Variants in ABLIM1 observed in about 807,000 individuals in gnomAD.
The protein encoded by ABLIM1 is actin binding LIM protein 1, also known as actin-binding LIM protein 1.
In ABLIM1, 40 loss-of-function variants were observed where a neutral mutation model predicts 107.0. That is an observed-to-expected ratio of 0.37 (90% CI 0.29 to 0.49). The LOEUF is 0.49. Among genes scored for constraint, ABLIM1 ranks in the 20% least tolerant of loss-of-function variants. The pLI, the probability that ABLIM1 is intolerant of heterozygous loss-of-function variation, is 0.97. For missense variants in ABLIM1, 857 were observed against 1,008.5 expected, an observed-to-expected ratio of 0.85 and a Z score of 2.04; for synonymous variants, 357 against 357.3, an observed-to-expected ratio of 1.00 and a Z score of 0.01.
intron 1 of ABLIM1, among the ~76,000 whole-genome samples, chr10:114,737,782 G>A (rs1045633017): frequency 1.3e-5 from 2 of 152,108 alleles, no homozygotes; most frequent in South Asian, 4.1e-4. Flanking sequence ...TCAGGAGATA[G>A]TGGCCAAAAT....
At chr10:114,527,659 C>CTTTTTTT (rs10639922) in intron 6 of ABLIM1, among the ~76,000 whole-genome samples, 1 of 127,288 alleles carries the variant, frequency 7.9e-6, no homozygotes, top group African/African-American at 3.1e-5. Flanking sequence ...CAACTCTTGT[C>CTTTTTTT]TTTTTTTTTT....
intron 1 of ABLIM1, among the ~76,000 whole-genome samples, chr10:114,635,967 C>T (rs1285427586): frequency 2.0e-5 from 3 of 152,248 alleles, no homozygotes; most frequent in African/African-American, 7.2e-5. Flanking sequence ...GGGACACCTG[C>T]TGCGTGCCAG....
chr10:114,738,107 G>A (rs1401037896), intron 1 of ABLIM1, among the ~76,000 whole-genome samples: 3 of 152,134 alleles, frequency 2.0e-5, no homozygotes, highest in Admixed American at 1.3e-4. Flanking sequence ...GGAGTGCAGT[G>A]GCGCGATCTT....
chr10:114,437,849 G>T lies in ABLIM1; in HGVS notation c.2218C>A (p.Leu740Met), dbSNP rs1342631513. 2.5e-6 allele frequency: 4 copies of T among 1,613,936 alleles called. No homozygotes were observed. The highest frequency in any genetic ancestry group is 3.4e-6 in the Non-Finnish European group (4 of 1,179,926). Residue 740 changes from leucine (L) to methionine (M), a missense_variant, in exon 22 of 23, where the codon CTG becomes ATG. Leu to Met is a conservative substitution (Grantham distance 15). This residue lies in a region of ABLIM1 where 193 missense variants were observed against 208.5 expected (regional missense o/e 0.93). Coordinates refer to ENST00000533213, the MANE Select transcript of ABLIM1 (RefSeq NM_002313.7). Reference protein sequence around the residue: ...KILREVDRTRLERHLAPEVFR... With the variant: ...KILREVDRTRMERHLAPEVFR... ...ATTTTTCGGTTTTGTTTTACCTCCA[G>T]CCTGGTTCTGTCCACCTCTCTGAGG...
chr10:114,623,482 C>T (rs1416855604), intron 1 of ABLIM1, among the ~76,000 whole-genome samples: 1 of 152,146 alleles, frequency 6.6e-6, no homozygotes, highest in Non-Finnish European at 1.5e-5. Context: ...GCCATCTGTG[C>T]ATGGTGAGCC....
chr10:114,705,197 T>C (rs1353224002), intron 1 of ABLIM1, among the ~76,000 whole-genome samples: 2 of 152,192 alleles, frequency 1.3e-5, no homozygotes, highest in Admixed American at 6.5e-5. Flanking sequence ...GGGAAGAGCA[T>C]AGGTCATTTT....
At chr10:114,579,597 T>C (rs2073102291) in intron 2 of ABLIM1, among the ~76,000 whole-genome samples, 1 of 152,168 alleles carries the variant, frequency 6.6e-6, no homozygotes, top group Non-Finnish European at 1.5e-5. Context: ...AAAATGCATA[T>C]AACAAAAAAT....
At chr10:114,545,953 A>AG (rs2067285129) in intron 5 of ABLIM1, among the ~76,000 whole-genome samples, 1 of 150,556 alleles carries the variant, frequency 6.6e-6, no homozygotes, top group South Asian at 2.1e-4. Flanking sequence ...CAAAAAAAAA[A>AG]AACAAGAACA....
intron 12 of ABLIM1, among the ~76,000 whole-genome samples, chr10:114,456,615 TA>T (rs555008733): frequency 1.5e-4 from 23 of 152,318 alleles, no homozygotes; most frequent in Non-Finnish European, 2.5e-4. Context: ...GAACCCCCAT[TA>T]AATCAGTTTT....
In ABLIM1 at chr10:114,444,152, GAAAAAA is replaced by G; in HGVS notation, c.1828-24_1828-19del. Reference sequence around the variant, plus strand: ...GAGTTAAGCTATTCACAGAAAAAAGGAAAAAAAAAAAAAAAAGAAAGCAAAGCTTGC... The same window carrying G: ...GAGTTAAGCTATTCACAGAAAAAAGGAAAAAAAAAAGAAAGCAAAGCTTGC... On this transcript the variant is annotated intron_variant, in intron 16 of 22. Coordinates refer to ENST00000533213, the MANE Select transcript of ABLIM1 (RefSeq NM_002313.7). 8 of 1,276,156 alleles carry G rather than the reference GAAAAAA, an allele frequency of 6.3e-6. No individual in the cohort carries two copies. Among genetic ancestry groups the G allele is most frequent in the Non-Finnish European group, 5.3e-6 (5 of 941,252 alleles). 79.1% of individuals were successfully genotyped at this position (1,276,156 alleles called of 1,614,324 possible).
chr10:114,737,261 T>C (rs1488841424), intron 1 of ABLIM1, among the ~76,000 whole-genome samples: 3 of 152,122 alleles, frequency 2.0e-5, no homozygotes, highest in Non-Finnish European at 4.4e-5. Flanking sequence ...GAGGCAGAGA[T>C]TGCAGTGAGC....
intron 6 of ABLIM1, among the ~76,000 whole-genome samples, chr10:114,528,441 C>G (rs568646258): frequency 6.6e-6 from 1 of 152,232 alleles, no homozygotes; most frequent in African/African-American, 2.4e-5. Flanking sequence ...GTTTTAGCAA[C>G]AAAGCCGTGC....
At chr10:114,676,007 G>T (rs1252265555) in intron 1 of ABLIM1, among the ~76,000 whole-genome samples, 2 of 152,192 alleles carry the variant, frequency 1.3e-5, no homozygotes, top group East Asian at 1.9e-4. Context: ...ATCTTAACTT[G>T]ATGGTCTGTT....
At chr10:114,442,568 T>C (rs2060345283) in intron 17 of ABLIM1, among the ~76,000 whole-genome samples, 2 of 152,230 alleles carry the variant, frequency 1.3e-5, no homozygotes, top group Non-Finnish European at 2.9e-5. Flanking sequence ...GAATCCAAGA[T>C]CAATGCCAGT....
intron 6 of ABLIM1, among the ~76,000 whole-genome samples, chr10:114,532,480 C>T (rs929563559): frequency 9.9e-5 from 15 of 152,208 alleles, no homozygotes; most frequent in Admixed American, 8.5e-4. Context: ...AGGTGTGAAA[C>T]AGACGAGGAG....
intron 6 of ABLIM1, among the ~76,000 whole-genome samples, chr10:114,531,027 T>C (rs955630092): frequency 3.3e-5 from 5 of 152,232 alleles, no homozygotes; most frequent in African/African-American, 9.6e-5. Context: ...CAATGGTAGA[T>C]TGAATTTATG....
intron 4 of ABLIM1, among the ~76,000 whole-genome samples, chr10:114,566,771 G>C (rs56931034): frequency 0.061 from 9,359 of 152,212 alleles, 422 homozygotes; most frequent in African/African-American, 0.12. Context: ...GATTTTGGCC[G>C]GGCATGGTGG....
intron 1 of ABLIM1, among the ~76,000 whole-genome samples, chr10:114,623,628 A>G (rs531232130): frequency 4.4e-4 from 67 of 152,336 alleles, no homozygotes; most frequent in African/African-American, 1.6e-3. Flanking sequence ...CTGAATCAAG[A>G]ACATCAACAT....
chr10:114,440,493 T>G (rs999592775), intron 19 of ABLIM1, among the ~76,000 whole-genome samples: 1 of 152,120 alleles, frequency 6.6e-6, no homozygotes, highest in Admixed American at 6.6e-5. Flanking sequence ...TCACCCAGGC[T>G]GGAGTGCAGT....
Sources: allele counts gnomAD v4.1 joint callset (sites outside exome capture counted in the v4.1 genomes callset), GRCh38; gene constraint gnomAD v4.1.1; regional missense constraint gnomAD v4.1.1; transcripts MANE v1.5; gene names NCBI Gene and HGNC (gene_info 2026-07-23, HGNC 2026-07-21).